The following LRRTM4 variants were observed in gnomAD, a reference collection of about 807,000 sequenced individuals.
LRRTM4 encodes the protein leucine-rich repeat transmembrane neuronal protein 4.
In LRRTM4, 25 loss-of-function variants were observed where a neutral mutation model predicts 47.6. The ratio of observed to expected loss-of-function variants is 0.53; its 90% CI spans 0.38 to 0.73. LRRTM4 has a LOEUF of 0.73. Among genes scored for constraint, LRRTM4 ranks in the 30% least tolerant of loss-of-function variants. LRRTM4 has a pLI of 0.00. For missense variants in LRRTM4, 638 were observed against 713.4 expected (o/e 0.89, Z 1.20); for synonymous variants, 311 against 269.5 (o/e 1.15, Z -1.51).
chr2:76,875,031 G>A (rs747025575), intron 3 of LRRTM4, among the ~76,000 whole-genome samples: 1 of 151,982 alleles, frequency 6.6e-6, no homozygotes, highest in Non-Finnish European at 1.5e-5. Flanking sequence ...TACTATGGGG[G>A]TGGCATTTAG....
At chr2:76,911,100 A>G (rs1674038039) in intron 3 of LRRTM4, among the ~76,000 whole-genome samples, 1 of 152,222 alleles carries the variant, frequency 6.6e-6, no homozygotes, top group Admixed American at 6.5e-5. Flanking sequence ...AAACAGAAAT[A>G]TCTTTAAAAC....
intron 3 of LRRTM4, among the ~76,000 whole-genome samples, chr2:76,893,334 G>A (rs1331964497): frequency 1.3e-5 from 2 of 151,540 alleles, no homozygotes; most frequent in African/African-American, 2.4e-5. Context: ...GGGGTGTTTT[G>A]TAAAAAGCCA....
At chr2:77,183,529 C>T (rs192141568) in intron 3 of LRRTM4, among the ~76,000 whole-genome samples, 8 of 152,252 alleles carry the variant, frequency 5.3e-5, no homozygotes, top group Admixed American at 2.6e-4. Flanking sequence ...GTGGCAATTC[C>T]TCAGGGATCT....
chr2:77,411,618 A>ATTTTTTTTTT (rs1222177148), intron 3 of LRRTM4, among the ~76,000 whole-genome samples: 16 of 64,800 alleles, frequency 2.5e-4, no homozygotes, highest in African/African-American at 6.4e-4. Flanking sequence ...ATGCCCGGCT[A>ATTTTTTTTTT]TTTTTTTTTT....
At chr2:76,779,641 G>T (rs1301642431) in intron 3 of LRRTM4, among the ~76,000 whole-genome samples, 2 of 150,498 alleles carry the variant, frequency 1.3e-5, no homozygotes, top group African/African-American at 4.9e-5. Context: ...CTTTTATTTT[G>T]AGCCTATATG....
chr2:77,089,285 C>T (rs2103879304), intron 3 of LRRTM4, among the ~76,000 whole-genome samples: 1 of 120,962 alleles, frequency 8.3e-6, no homozygotes, highest in African/African-American at 3.8e-5. Flanking sequence ...GGCAAGTACC[C>T]CTCAACCCCT....
Position 77,274,081 on chromosome 2 carries a change from A to G in LRRTM4, c.1551+244237T>C, listed in dbSNP as rs369881997. On this transcript the variant is annotated intron_variant, in intron 3 of 3. Transcript: ENST00000409884. ...CTCTGTGGAAATAATGCCACATTTT[A>G]TATTTCCAAAGCCCTCACACTCTGT... Among the ~76,000 whole-genome samples the G allele has an allele frequency of 1.6e-4, 25 of 152,136 alleles. No individual in the cohort carries two copies. The South Asian group carries it at 4.4e-3, about 26-fold the overall frequency.
chr2:77,464,577 G>C (rs1000546476), intron 3 of LRRTM4, among the ~76,000 whole-genome samples: 2 of 151,450 alleles, frequency 1.3e-5, no homozygotes, highest in Admixed American at 1.3e-4. Flanking sequence ...TCTTAATTTG[G>C]GCTGTGCACA....
intron 3 of LRRTM4, among the ~76,000 whole-genome samples, chr2:77,476,003 T>C (rs1437170294): frequency 6.6e-6 from 1 of 152,056 alleles, no homozygotes; most frequent in Non-Finnish European, 1.5e-5. Context: ...TCTTTCCTTA[T>C]AATTTTAAGG....
intron 3 of LRRTM4, among the ~76,000 whole-genome samples, chr2:77,107,487 G>T (rs866407930): frequency 6.6e-6 from 1 of 152,034 alleles, no homozygotes; most frequent in African/African-American, 2.4e-5. Context: ...GAGAGCAATA[G>T]CCTATTCTGT....
At chr2:77,511,484 T>C (rs751513394) in intron 3 of LRRTM4, among the ~76,000 whole-genome samples, 2 of 151,950 alleles carry the variant, frequency 1.3e-5, no homozygotes, top group Non-Finnish European at 2.9e-5. Context: ...CAAACAATAA[T>C]GCTAAATGCC....
chr2:77,337,327 T>C (rs931333348), intron 3 of LRRTM4, among the ~76,000 whole-genome samples: 2 of 152,074 alleles, frequency 1.3e-5, no homozygotes, highest in African/African-American at 4.8e-5. Flanking sequence ...CGCTATTCCT[T>C]TCAAATTATC....
chr2:77,001,176 G>C (rs1293229538), intron 3 of LRRTM4, among the ~76,000 whole-genome samples: 1 of 152,128 alleles, frequency 6.6e-6, no homozygotes, highest in Non-Finnish European at 1.5e-5. Context: ...CATCTCAGCA[G>C]CTGCTGCAGA....
intron 3 of LRRTM4, among the ~76,000 whole-genome samples, chr2:77,485,808 G>A (rs1042804449): frequency 6.6e-6 from 1 of 152,142 alleles, no homozygotes; most frequent in African/African-American, 2.4e-5. Context: ...ACAACTCACT[G>A]TAGCCTAGAC....
intron 3 of LRRTM4, among the ~76,000 whole-genome samples, chr2:77,236,555 C>T (rs865843289): frequency 2.0e-5 from 3 of 151,428 alleles, no homozygotes; most frequent in South Asian, 4.2e-4. Context: ...ACTTCCAGTA[C>T]GATGTTGAAT....
chr2:77,474,330 A>G lies in LRRTM4; in HGVS notation c.1551+43988T>C, dbSNP rs144978510. 4.7e-3 allele frequency among the ~76,000 whole-genome samples: 717 copies of G among 152,116 alleles called. 4 individuals carry two copies. The highest frequency in any genetic ancestry group is 7.1e-3 in the Non-Finnish European group (482 of 67,952). On this transcript the variant is annotated intron_variant, in intron 3 of 3. Transcript: ENST00000409884. ...TCTGTCTGGGGCTGTCACTATTTAT[A>G]TAGGTGATTTTTTTAGTAGTCCATT...
intron 3 of LRRTM4, among the ~76,000 whole-genome samples, chr2:77,224,804 T>G (rs184364253): frequency 6.6e-6 from 1 of 151,996 alleles, no homozygotes. Context: ...GTCAGTGTGG[T>G]GATTCCTCTC....
chr2:76,850,921 A>T (rs779192804), intron 3 of LRRTM4, among the ~76,000 whole-genome samples: 112 of 152,214 alleles, frequency 7.4e-4, no homozygotes, highest in African/African-American at 2.4e-3. Flanking sequence ...GTTTCTCCAC[A>T]TGTCTTATTG....
At chr2:77,028,402 C>A (rs1316017171) in intron 3 of LRRTM4, among the ~76,000 whole-genome samples, 1 of 152,084 alleles carries the variant, frequency 6.6e-6, no homozygotes, top group Admixed American at 6.6e-5. Context: ...ACTTTCTAAC[C>A]TTCCTCACTT....
Sources: allele counts gnomAD v4.1 joint callset (sites outside exome capture counted in the v4.1 genomes callset), GRCh38; gene constraint gnomAD v4.1.1; transcripts MANE v1.5; gene names NCBI Gene and HGNC (gene_info 2026-07-23, HGNC 2026-07-21).